LHFPL3: variants seen among roughly 807,000 people sequenced by gnomAD.
The protein encoded by LHFPL3 is LHFPL tetraspan subfamily member 3.
A neutral mutation model predicts 19.3 loss-of-function variants in LHFPL3; 5 were observed. That is an observed-to-expected ratio of 0.26 (90% CI 0.14 to 0.54). The LOEUF (loss-of-function observed/expected upper bound fraction) is 0.54, where lower values mean the gene tolerates loss of function less well. LHFPL3 is among the 20% of genes least tolerant of loss of function. LHFPL3 has a pLI of 0.94. For missense variants in LHFPL3, 249 were observed against 307.4 expected (o/e 0.81, Z 1.42); for synonymous variants, 133 against 126.2 (o/e 1.05, Z -0.36).
At chr7:104,710,237 G>T (rs1197446682) in intron 1 of LHFPL3, among the ~76,000 whole-genome samples, 3 of 152,218 alleles carry the variant, frequency 2.0e-5, no homozygotes, top group African/African-American at 4.8e-5. Context: ...TAAAGTTCAT[G>T]GGAACTTTAG....
At chr7:104,678,118 A>G (rs188614112) in intron 1 of LHFPL3, among the ~76,000 whole-genome samples, 215 of 152,354 alleles carry the variant, frequency 1.4e-3, no homozygotes, top group African/African-American at 5.1e-3. Context: ...TCATACATGC[A>G]TATAATTTAG....
chr7:104,724,293 T>C (rs371043766), intron 1 of LHFPL3, among the ~76,000 whole-genome samples: 197 of 152,320 alleles, frequency 1.3e-3, no homozygotes, highest in African/African-American at 4.6e-3. Context: ...AAATTAAATA[T>C]ACTAAGCTTT....
intron 2 of LHFPL3, among the ~76,000 whole-genome samples, chr7:104,904,187 G>A (rs1036302544): frequency 1.3e-5 from 2 of 151,998 alleles, no homozygotes; most frequent in Non-Finnish European, 2.9e-5. Flanking sequence ...AAGTAACCGT[G>A]AGTTCTCTTG....
At position 104,329,234 on chromosome 7, in the gene LHFPL3, C is replaced by T. The variant is rs577491549; in HGVS notation, c.445+10C>T. Reference sequence around the variant, plus strand: ...ATGCAGCTCACCTCCGGTGAGTGCGCGCTCACCTCCGCGGAGGCGGAGGAC... The same window carrying T: ...ATGCAGCTCACCTCCGGTGAGTGCGTGCTCACCTCCGCGGAGGCGGAGGAC... On this transcript the variant is annotated intron_variant, in intron 1 of 2. Transcript: ENST00000424859. 1 of 1,586,436 alleles carries T rather than the reference C, an allele frequency of 6.3e-7. No homozygotes were observed. The highest frequency in any genetic ancestry group is 1.3e-5 in the African/African-American group (1 of 74,266).
At chr7:104,466,912 T>C (rs1792798605) in intron 1 of LHFPL3, among the ~76,000 whole-genome samples, 1 of 152,238 alleles carries the variant, frequency 6.6e-6, no homozygotes, top group Non-Finnish European at 1.5e-5. Context: ...CATGTTCCTT[T>C]AACCCTTCTT....
rs951484523 is a variant in LHFPL3, at chr7:104,495,476, C to T, written c.445+166252C>T. Among the ~76,000 whole-genome samples the T allele has an allele frequency of 7.2e-5, 11 of 152,276 alleles. No homozygotes were observed. In the East Asian group the frequency reaches 1.2e-3, roughly 16 times the overall value. ...TCAGCTCACTGCAAGCTCCACCTTC[C>T]GGGTTCACGCCATTCTCCTGCCTCA... On this transcript the variant is annotated intron_variant, in intron 1 of 2. Transcript: ENST00000424859.
chr7:104,823,904 G>C (rs1273634666), intron 2 of LHFPL3, among the ~76,000 whole-genome samples: 1 of 151,698 alleles, frequency 6.6e-6, no homozygotes, highest in Non-Finnish European at 1.5e-5. Context: ...CCAGCACTTT[G>C]GGAGGCCAAA....
intron 1 of LHFPL3, among the ~76,000 whole-genome samples, chr7:104,569,692 T>C (rs920711487): frequency 6.6e-6 from 1 of 152,198 alleles, no homozygotes; most frequent in African/African-American, 2.4e-5. Flanking sequence ...GGGCACAATG[T>C]TCAGTGGTGG....
chr7:104,537,785 C>G (rs1321611141), intron 1 of LHFPL3, among the ~76,000 whole-genome samples: 1 of 152,224 alleles, frequency 6.6e-6, no homozygotes, highest in Non-Finnish European at 1.5e-5. Flanking sequence ...CAGGACAGCA[C>G]TCTTTCTGTT....
chr7:104,477,144 C>T (rs1793037580), intron 1 of LHFPL3, among the ~76,000 whole-genome samples: 1 of 152,112 alleles, frequency 6.6e-6, no homozygotes, highest in Admixed American at 6.5e-5. Context: ...CTTGTGCCAC[C>T]ATGCCCAGCT....
chr7:104,465,238 C>T (rs181578382), intron 1 of LHFPL3, among the ~76,000 whole-genome samples: 211 of 152,110 alleles, frequency 1.4e-3, no homozygotes, highest in African/African-American at 4.9e-3. Flanking sequence ...ATATGGACTT[C>T]ATTGTCCATA....
chr7:104,395,912 A>G (rs921572727), intron 1 of LHFPL3, among the ~76,000 whole-genome samples: 3 of 152,218 alleles, frequency 2.0e-5, no homozygotes, highest in Non-Finnish European at 4.4e-5. Context: ...AGTAAAGACT[A>G]TTTTGGTTAT....
At chr7:104,547,849 C>T (rs1362663487) in intron 1 of LHFPL3, among the ~76,000 whole-genome samples, 1 of 152,144 alleles carries the variant, frequency 6.6e-6, no homozygotes, top group East Asian at 1.9e-4. Context: ...TCGTTTACAT[C>T]AAATGTGTCT....
intron 1 of LHFPL3, among the ~76,000 whole-genome samples, chr7:104,452,602 C>T (rs191262414): frequency 6.2e-4 from 94 of 152,192 alleles, no homozygotes; most frequent in Middle Eastern, 3.4e-3. Flanking sequence ...ACCAGATAGA[C>T]GACCTTTTCA....
chr7:104,382,240 G>A (rs1584280343), intron 1 of LHFPL3, among the ~76,000 whole-genome samples: 4 of 152,158 alleles, frequency 2.6e-5, no homozygotes, highest in Admixed American at 2.6e-4. Flanking sequence ...CTCCATCCAT[G>A]TCTACTGAAT....
At chr7:104,824,396 G>C (rs1421459338) in intron 2 of LHFPL3, among the ~76,000 whole-genome samples, 2 of 1,894 alleles carry the variant, frequency 1.1e-3, no homozygotes, top group Non-Finnish European at 1.9e-3. Flanking sequence ...TATAATTATA[G>C]ATAATATATA....
At chr7:104,868,610 T>C (rs1791773872) in intron 2 of LHFPL3, among the ~76,000 whole-genome samples, 1 of 152,136 alleles carries the variant, frequency 6.6e-6, no homozygotes, top group Non-Finnish European at 1.5e-5. Context: ...TCCATGCTCA[T>C]GGGTAGGAAG....
At chr7:104,510,182 A>G (rs1793782832) in intron 1 of LHFPL3, among the ~76,000 whole-genome samples, 1 of 152,120 alleles carries the variant, frequency 6.6e-6, no homozygotes, top group Non-Finnish European at 1.5e-5. Flanking sequence ...GTTTAGCACA[A>G]TTTCTATCAA....
At chr7:104,838,253 T>A (rs2116579582) in intron 2 of LHFPL3, among the ~76,000 whole-genome samples, 1 of 152,330 alleles carries the variant, frequency 6.6e-6, no homozygotes, top group Non-Finnish European at 1.5e-5. Context: ...AATTCTAATC[T>A]ATCTGGGGAG....
Sources: gnomAD v4.1 joint callset for allele counts (sites outside exome capture counted in the v4.1 genomes callset) on GRCh38, gnomAD v4.1.1 for gene constraint, MANE v1.5 for transcripts, NCBI Gene and HGNC (gene_info 2026-07-23, HGNC 2026-07-21) for gene names.